Variants in A2ML1 observed in about 807,000 individuals in gnomAD.
The protein encoded by A2ML1 is alpha-2-macroglobulin-like protein 1.
A neutral mutation model predicts 181.9 loss-of-function variants in A2ML1; 161 were observed. The ratio of observed to expected loss-of-function variants is 0.89; its 90% CI spans 0.78 to 1.01. A2ML1 has a LOEUF of 1.01. Ranked by LOEUF, A2ML1 falls within the 50% of genes least tolerant of loss-of-function variation. The probability of loss-of-function intolerance (pLI) is 0.00; values close to 1 mark genes in which losing one functional copy is unlikely to be tolerated. For synonymous variants in A2ML1, 663 were observed against 666.8 expected (o/e 0.99, Z 0.09); for missense variants, 1,670 against 1,768.1 (o/e 0.94, Z 1.00).
Position 8,852,136 on chromosome 12 carries a change from C to G in A2ML1, c.2464-74C>G. 1 of 1,595,984 alleles carries G rather than the reference C, an allele frequency of 6.3e-7. No homozygotes were observed. Among genetic ancestry groups the G allele is most frequent in the Non-Finnish European group, 8.6e-7 (1 of 1,169,264 alleles). ...AAGAGAGGAGATGTCGGCGTCTCAG[C>G]CCCCAGGTTTCCCCAGGCCTCTATG... On this transcript the variant is annotated intron_variant, in intron 19 of 35. Transcript: ENST00000299698. The surrounding 1 kb of genome is among the most constrained non-coding windows in gnomAD (Gnocchi z 4.2).
At chr12:8,855,482 T>C (rs1283371889) in intron 22 of A2ML1, 27 bp from the exon 23 acceptor site, 1 of 1,611,420 alleles carries the variant, frequency 6.2e-7, no homozygotes, top group Admixed American at 1.7e-5. Context: ...TCTTCTATTG[T>C]GTCACCTTTT....
chr12:8,847,647 G>A lies in A2ML1; in HGVS notation c.1782G>A (p.Val594=). ...APGSLCALRA[V]DESVLLLRPD... Reference sequence around the variant, plus strand: ...GATCCCTGTGTGCGCTCCGGGCGGTGGATGAGAGTGTCTTACTGCTTAGGC... The same window carrying A: ...GATCCCTGTGTGCGCTCCGGGCGGTAGATGAGAGTGTCTTACTGCTTAGGC... The change falls in exon 15 of 36, where the codon GTG becomes GTA. Residue 594 remains valine (V), a synonymous_variant. Coordinates refer to ENST00000299698, the MANE Select transcript of A2ML1 (RefSeq NM_144670.6). The A allele has an allele frequency of 1.2e-6, 2 of 1,613,906 alleles. No individual in the cohort carries two copies. Among genetic ancestry groups the A allele is most frequent in the Middle Eastern group, 1.6e-4 (1 of 6,062 alleles).
chr12:8,848,463 A>T (rs1228259939), intron 15 of A2ML1, among the ~76,000 whole-genome samples: 4 of 152,094 alleles, frequency 2.6e-5, no homozygotes, highest in Non-Finnish European at 5.9e-5. Context: ...TCTGGGCGAC[A>T]GAGCAAGACT....
Position 8,852,002 on chromosome 12 carries a change from A to T in A2ML1, c.2453A>T (p.Asp818Val). The change falls in exon 19 of 36, where the codon GAT (aspartate) becomes GTT (valine). Residue 818 changes from aspartate (D) to valine (V), a missense_variant. Asp to Val is a radical substitution (Grantham distance 152). Coordinates refer to ENST00000299698, the MANE Select transcript of A2ML1 (RefSeq NM_144670.6). This position sits in a 1 kb window ranked among gnomAD's most constrained non-coding sequence, Gnocchi z 4.2. ...GCCACCATCTTCAATTACCTAAAGG[A>T]TTGCATCAGGGTGAGAGCTGGGGAT... ...LTATIFNYLK[D>V]CIRVQTDLAK... is the part of the protein sequence containing the mutation. 1.2e-6 allele frequency: 2 copies of T among 1,614,034 alleles called. No homozygotes were observed. Among genetic ancestry groups the T allele is most frequent in the Non-Finnish European group, 1.7e-6 (2 of 1,179,946 alleles).
At chr12:8,845,255 C>A (rs1052870045) in intron 12 of A2ML1, 187 bp from the exon 13 acceptor site, 3 of 1,489,964 alleles carry the variant, frequency 2.0e-6, no homozygotes, top group Non-Finnish European at 2.7e-6. Flanking sequence ...GCAGGAGGAG[C>A]CACCAGGACC....
intron 4 of A2ML1, chr12:8,830,830 A>T (rs1943087183): frequency 6.6e-6 from 1 of 151,666 alleles, no homozygotes; most frequent in Non-Finnish European, 1.5e-5. Flanking sequence ...GCTTGTTATG[A>T]TTGGTAATGC....
chr12:8,843,134 G>C lies in A2ML1; in HGVS notation c.1249G>C (p.Gly417Arg). 6.2e-7 allele frequency: 1 copy of C among 1,613,632 alleles called. No homozygotes were observed. Among genetic ancestry groups the C allele is most frequent in the Non-Finnish European group, 8.5e-7 (1 of 1,179,690 alleles). The change falls in exon 12 of 36, where the codon GGA (glycine) becomes CGA (arginine). Residue 417 changes from glycine to arginine, a missense_variant and splice_region_variant. Gly to Arg is a moderately radical substitution (Grantham distance 125, BLOSUM62 -2). Transcript: ENST00000299698. The part of the protein sequence containing the change: ...GWNGTDVSLE[G>R]KFQMEDLVYN... ...TTCTCTCTCTCTCTTTTATTCTCAG[G>C]GAAAGTTTCAAATGGAAGACTTAGT...
rs140753342 is a variant in A2ML1, at chr12:8,845,865, T to TAAATAAAATA, written c.1538-193_1538-184dup. The stretch of plus-strand genomic sequence containing the variant: ...ACTCCGTCTCAAAAAAAAAAAAAAA[T>TAAATAAAATA]AAATAAAATAAAATAAAATAAAATA... On this transcript the variant is annotated intron_variant, in intron 13 of 35. Coordinates refer to ENST00000299698, the MANE Select transcript of A2ML1 (RefSeq NM_144670.6). 0.25 allele frequency among the ~76,000 whole-genome samples: 33,309 copies of TAAATAAAATA among 130,900 alleles called. 4,959 individuals carry two copies. The highest frequency in any genetic ancestry group is 0.38 in the Middle Eastern group (100 of 266). The allele number at this position is 130,900 out of a possible 152,430, so 85.9% of individuals were successfully genotyped here.
rs199701571 is a variant in A2ML1 at position 8,823,762 on chromosome 12, C to G, written c.289C>G (p.Arg97Gly). ...AGGTEEVATI[R>G]VSGVGNNISF... ...TGGCACAGAAGAAGTGGCCACAATC[C>G]GGGTGTCGGGAGTTGGAAATAACAT... The change falls in exon 3 of 36, where the codon CGG (arginine) becomes GGG (glycine). Residue 97 changes from arginine to glycine, a missense_variant. Arg to Gly is a moderately radical substitution (Grantham distance 125, BLOSUM62 -2). Transcript: ENST00000299698. 9.9e-4 allele frequency: 1,602 copies of G among 1,613,920 alleles called. No homozygotes were observed. Among genetic ancestry groups the G allele is most frequent in the Admixed American group, 1.6e-3 (93 of 59,998 alleles).
At chr12:8,885,904 T>C (rs1016442307) in intron 7 of A2ML1, among the ~76,000 whole-genome samples, 7 of 152,114 alleles carry the variant, frequency 4.6e-5, no homozygotes, top group African/African-American at 1.4e-4. Context: ...CCCACTACAT[T>C]ACAGCATGTT....
At chr12:8,851,736 C>T in intron 18 of A2ML1, 48 bp from the exon 19 acceptor site, 2 of 1,581,632 alleles carry the variant, frequency 1.3e-6, no homozygotes, top group Non-Finnish European at 8.7e-7. Flanking sequence ...AAATGTTCTC[C>T]TTGCCCCACG....
rs781149152 is a variant in A2ML1, at chr12:8,849,649, AT to A, written c.2029-17del. 6.2e-7 allele frequency: 1 copy of A among 1,609,284 alleles called. No homozygotes were observed. The highest frequency in any genetic ancestry group is 1.7e-5 in the Admixed American group (1 of 59,996). On this transcript the variant is annotated intron_variant, in intron 16 of 35. Coordinates refer to ENST00000299698, the MANE Select transcript of A2ML1 (RefSeq NM_144670.6). Reference sequence around the variant, plus strand: ...TGGGGAAGGGACCACCTTAATACTTATTTCTCTGATGCCTATCAGGACGTGG... The same window carrying A: ...TGGGGAAGGGACCACCTTAATACTTATTCTCTGATGCCTATCAGGACGTGG...
intron 10 of A2ML1, among the ~76,000 whole-genome samples, chr12:8,839,975 G>A (rs919431518): frequency 8.6e-5 from 13 of 151,898 alleles, no homozygotes; most frequent in Admixed American, 2.6e-4. Flanking sequence ...TTGAACTCCC[G>A]ACCTCAGGTG....
chr12:8,877,349 A>G (rs367691212), downstream of A2ML1, among the ~76,000 whole-genome samples: 4 of 152,350 alleles, frequency 2.6e-5, no homozygotes, highest in East Asian at 3.8e-4. Context: ...GGACCTACTT[A>G]AACTAAAGAG....
Position 8,849,748 on chromosome 12 carries a change from C to T in A2ML1, c.2108C>T (p.Thr703Ile). The T allele has an allele frequency of 6.2e-7, 1 of 1,614,150 alleles. No homozygotes were observed. Among genetic ancestry groups the T allele is most frequent in the Admixed American group, 1.7e-5 (1 of 60,020 alleles). The change falls in exon 17 of 36, where the codon ACT becomes ATT. Residue 703 changes from threonine (T) to isoleucine (I), a missense_variant. Physicochemically the swap from Thr to Ile is moderately conservative, Grantham distance 89 (BLOSUM62 -1). Coordinates refer to ENST00000299698, the MANE Select transcript of A2ML1 (RefSeq NM_144670.6). The stretch of plus-strand genomic sequence containing the variant: ...AGTCACAGATCTCCAGAATACAGCA[C>T]TGCTATGGGTGGTAAGCCACCTCTG... The part of the protein sequence containing the change: ...DCSHRSPEYS[T>I]AMGAGGGHPE...
intron 8 of A2ML1, among the ~76,000 whole-genome samples, 167 bp from the exon 9 acceptor site, chr12:8,838,169 G>T (rs1384771417): frequency 6.6e-6 from 1 of 152,132 alleles, no homozygotes; most frequent in Non-Finnish European, 1.5e-5. Context: ...GTCATTTCAT[G>T]ATTATCTATG....
intron 4 of A2ML1, among the ~76,000 whole-genome samples, chr12:8,832,024 A>G (rs1943132190): frequency 6.6e-6 from 1 of 152,214 alleles, no homozygotes; most frequent in African/African-American, 2.4e-5. Flanking sequence ...TGCTGGGATT[A>G]CAGGCGTGAG....
downstream of A2ML1, among the ~76,000 whole-genome samples, chr12:8,880,313 C>G (rs115642078): frequency 9.8e-3 from 1,489 of 152,116 alleles, 23 homozygotes; most frequent in African/African-American, 0.034. Flanking sequence ...TTGCAGTGAG[C>G]GGAGATTGTA....
At chr12:8,843,391 G>C in intron 12 of A2ML1, 30 bp downstream of exon 12, 1 of 1,602,452 alleles carries the variant, frequency 6.2e-7, no homozygotes, top group Non-Finnish European at 8.5e-7. Context: ...ACGGGTGAGA[G>C]TATGCTGGGA....
Sources: allele counts gnomAD v4.1 joint callset (sites outside exome capture counted in the v4.1 genomes callset), GRCh38; gene constraint gnomAD v4.1.1; non-coding constraint Gnocchi (gnomAD v3.1); transcripts MANE v1.5; gene names NCBI Gene and HGNC (gene_info 2026-07-23, HGNC 2026-07-21).